The following NUBPL variants were observed in gnomAD, a reference collection of about 807,000 sequenced individuals.
The protein encoded by NUBPL is NUBP iron-sulfur cluster assembly factor, mitochondrial, also known as iron-sulfur cluster transfer protein NUBPL.
NUBPL carries 31 observed loss-of-function variants against 45.7 expected under a neutral mutation model. The observed-to-expected ratio is 0.68, with a 90% CI of 0.51 to 0.92. NUBPL has a LOEUF of 0.92. Among genes scored for constraint, NUBPL ranks in the 40% least tolerant of loss-of-function variants. The probability of loss-of-function intolerance (pLI) is 0.00; values close to 1 mark genes in which losing one functional copy is unlikely to be tolerated. For synonymous variants in NUBPL, 144 were observed against 140.9 expected (o/e 1.02, Z -0.15); for missense variants, 401 against 398.7 (o/e 1.01, Z -0.05).
chr14:31,643,012 G>A (rs144603213), intron 4 of NUBPL, among the ~76,000 whole-genome samples: 1 of 152,188 alleles, frequency 6.6e-6, no homozygotes, highest in Non-Finnish European at 1.5e-5. Flanking sequence ...TTTGTGTAGT[G>A]CAACTTTACT....
At chr14:31,649,115 TTTG>T (rs1338984660) in intron 4 of NUBPL, among the ~76,000 whole-genome samples, 1 of 152,166 alleles carries the variant, frequency 6.6e-6, no homozygotes, top group Non-Finnish European at 1.5e-5. Context: ...GGCCCCAAGT[TTTG>T]TTTTTTTACT....
At chr14:31,603,795 T>C (rs1401548881) in intron 4 of NUBPL, among the ~76,000 whole-genome samples, 2 of 152,210 alleles carry the variant, frequency 1.3e-5, no homozygotes, top group Admixed American at 6.5e-5. Flanking sequence ...AAAGCTGTTA[T>C]TCTGGTTTCT....
At chr14:31,693,847 CTT>C (rs2037149816) in intron 6 of NUBPL, among the ~76,000 whole-genome samples, 5 of 104,718 alleles carry the variant, frequency 4.8e-5, no homozygotes, top group Non-Finnish European at 5.9e-5. Flanking sequence ...GGTAGATTTT[CTT>C]TTCTTTTCTT....
rs376146035 is a variant in NUBPL at position 31,599,265 on chromosome 14, A to G, written c.292-24A>G. 1.9e-5 allele frequency: 29 copies of G among 1,547,692 alleles called. No individual in the cohort carries two copies. The African/African-American group carries it at 3.4e-4, about 18-fold the overall frequency. On this transcript the variant is annotated intron_variant, in intron 3 of 10. Coordinates refer to ENST00000281081, the MANE Select transcript of NUBPL (RefSeq NM_025152.3). ...TGGTAAAGTGTTTTTGTTTTGTTTT[A>G]TATTTTTATTTATTTTTTTACAGTC...
chr14:31,753,041 G>T (rs1407962478), intron 6 of NUBPL, among the ~76,000 whole-genome samples: 1 of 152,196 alleles, frequency 6.6e-6, no homozygotes, highest in African/African-American at 2.4e-5. Flanking sequence ...TCTACCAATG[G>T]GTGGGGATTA....
intron 7 of NUBPL, among the ~76,000 whole-genome samples, chr14:31,823,466 T>C (rs1396770220): frequency 6.6e-6 from 1 of 152,050 alleles, no homozygotes; most frequent in African/African-American, 2.4e-5. Flanking sequence ...TACTAATATA[T>C]AGTGAAGGAG....
At chr14:31,609,392 A>G (rs1479001821) in intron 4 of NUBPL, among the ~76,000 whole-genome samples, 1 of 152,184 alleles carries the variant, frequency 6.6e-6, no homozygotes, top group African/African-American at 2.4e-5. Context: ...TTAAATATAT[A>G]TGCACCCAAC....
At chr14:31,741,586 G>A (rs985643223) in intron 6 of NUBPL, among the ~76,000 whole-genome samples, 3 of 152,124 alleles carry the variant, frequency 2.0e-5, no homozygotes, top group East Asian at 1.9e-4. Context: ...GACATTCACC[G>A]TGAGAACCTG....
intron 6 of NUBPL, among the ~76,000 whole-genome samples, chr14:31,724,561 AC>A (rs562656889): frequency 2.1e-4 from 32 of 152,310 alleles, no homozygotes; most frequent in African/African-American, 7.2e-4. Context: ...AATAAGAGAC[AC>A]TGCTATTGGT....
intron 8 of NUBPL, among the ~76,000 whole-genome samples, chr14:31,836,473 C>T (rs1480204787): frequency 6.6e-6 from 1 of 152,108 alleles, no homozygotes; most frequent in East Asian, 1.9e-4. Context: ...AACAGCTTAA[C>T]AGTATATGAA....
intron 4 of NUBPL, among the ~76,000 whole-genome samples, chr14:31,611,814 G>A (rs768206261): frequency 7.2e-5 from 11 of 152,212 alleles, no homozygotes; most frequent in Non-Finnish European, 1.5e-4. Context: ...AGAGCATACA[G>A]TGGGGGAAAA....
intron 8 of NUBPL, 172 bp from the exon 9 acceptor site, chr14:31,846,299 C>T (rs1486913457): frequency 1.3e-5 from 8 of 626,208 alleles, no homozygotes; most frequent in Admixed American, 1.3e-4. Flanking sequence ...ATATGTCTTG[C>T]TCTCTTACTA....
chr14:31,747,072 CAAAAAAAAAAA>C (rs371061163), intron 6 of NUBPL, among the ~76,000 whole-genome samples: 1 of 65,504 alleles, frequency 1.5e-5, no homozygotes, highest in African/African-American at 7.0e-5. Context: ...AACCTGTCTC[CAAAAAAAAAAA>C]AAAAAAAAAA....
At chr14:31,761,513 CATAATTGCTTAGTAAGCATTTTCCCAG>C (rs1300899288) in intron 6 of NUBPL, among the ~76,000 whole-genome samples, 1 of 152,196 alleles carries the variant, frequency 6.6e-6, no homozygotes, top group African/African-American at 2.4e-5. Context: ...AGTAATAACT[CATAATTGCTTAGTAAGCATTTTCCCAG>C]ACTTTTCCTA....
intron 4 of NUBPL, among the ~76,000 whole-genome samples, chr14:31,665,544 G>C (rs1004796782): frequency 6.6e-6 from 1 of 152,166 alleles, no homozygotes; most frequent in South Asian, 2.1e-4. Context: ...TTTTGATTGA[G>C]TTTCTTAATC....
intron 8 of NUBPL, among the ~76,000 whole-genome samples, chr14:31,831,848 A>G (rs938746368): frequency 6.6e-6 from 1 of 152,224 alleles, no homozygotes; most frequent in Non-Finnish European, 1.5e-5. Flanking sequence ...AGTAAACATC[A>G]TTAGGATAGA....
chr14:31,840,170 A>G (rs776171873), intron 8 of NUBPL, among the ~76,000 whole-genome samples: 2 of 152,212 alleles, frequency 1.3e-5, no homozygotes, highest in Non-Finnish European at 2.9e-5. Flanking sequence ...TTACTGCAGC[A>G]CTATTCACAA....
chr14:31,746,950 G>A lies in NUBPL; in HGVS notation c.514-40830G>A, dbSNP rs139537507. On this transcript the variant is annotated intron_variant, in intron 6 of 10. Coordinates refer to ENST00000281081, the MANE Select transcript of NUBPL (RefSeq NM_025152.3). ...CCAGATGTGGTGGCTTGTGCCTATA[G>A]TTCCAGCTACTTGAGGGGCTGAGGC... 3.1e-4 allele frequency among the ~76,000 whole-genome samples: 47 copies of A among 151,322 alleles called. 2 individuals carry two copies. The highest frequency in any genetic ancestry group is 1.1e-3 in the African/African-American group (46 of 41,038).
At position 31,849,927 on chromosome 14, in the gene NUBPL, C is replaced by G. The variant is rs538861032; in HGVS notation, c.815-192C>G. 4.5e-4 allele frequency: 278 copies of G among 616,202 alleles called. 7 individuals carry two copies. The South Asian group carries it at 5.2e-3, about 11-fold the overall frequency. The allele number at this position is 616,202 out of a possible 1,614,324, so 38.2% of individuals were successfully genotyped here. On this transcript the variant is annotated intron_variant, in intron 9 of 10. Coordinates refer to ENST00000281081, the MANE Select transcript of NUBPL (RefSeq NM_025152.3). ...CCTATATAAACATACAATCACTGTACTACTCTAAAATAGAGTATCTTGTTT... is the reference window on the plus strand; with the variant it reads ...CCTATATAAACATACAATCACTGTAGTACTCTAAAATAGAGTATCTTGTTT...
Sources: allele counts gnomAD v4.1 joint callset (sites outside exome capture counted in the v4.1 genomes callset), GRCh38; gene constraint gnomAD v4.1.1; transcripts MANE v1.5; gene names NCBI Gene and HGNC (gene_info 2026-07-23, HGNC 2026-07-21).